GYPB: variants seen among roughly 807,000 people sequenced by gnomAD.
GYPB encodes the protein glycophorin-B.
A neutral mutation model predicts 15.3 loss-of-function variants in GYPB; 13 were observed. The observed-to-expected ratio is 0.85, with a 90% confidence interval of 0.55 to 1.35. The LOEUF (loss-of-function observed/expected upper bound fraction) is 1.35. Among genes scored for constraint, GYPB ranks in the 40% most tolerant of loss-of-function variants. GYPB has a pLI of 0.00. For synonymous variants in GYPB, 38 were observed against 36.9 expected (o/e 1.03, Z -0.11); for missense variants, 131 against 108.3 (o/e 1.21, Z -0.93).
At chr4:143,998,988 C>T (rs905060681) in intron 3 of GYPB, among the ~76,000 whole-genome samples, 5 of 151,044 alleles carry the variant, frequency 3.3e-5, no homozygotes, top group African/African-American at 7.4e-5. Flanking sequence ...GCCTCAAACT[C>T]CCAGGCTCAG....
chr4:144,015,581 G>T (rs1168939963), intron 1 of GYPB, among the ~76,000 whole-genome samples: 1 of 151,316 alleles, frequency 6.6e-6, no homozygotes, highest in Non-Finnish European at 1.5e-5. Flanking sequence ...AGAAACCAAG[G>T]TGAAAAGAAA....
chr4:144,004,375 G>T (rs1727779216), intron 1 of GYPB, among the ~76,000 whole-genome samples: 1 of 151,966 alleles, frequency 6.6e-6, no homozygotes, highest in Non-Finnish European at 1.5e-5. Flanking sequence ...TAATACCCAT[G>T]CTTGCTTAGT....
downstream of GYPB, chr4:143,996,024 T>A: frequency 1.3e-6 from 1 of 760,426 alleles, no homozygotes. Flanking sequence ...GACCCTTCTT[T>A]CTTCTCATCT....
At chr4:144,010,801 A>T (rs1262812356) in intron 1 of GYPB, among the ~76,000 whole-genome samples, 1 of 151,374 alleles carries the variant, frequency 6.6e-6, no homozygotes, top group East Asian at 1.9e-4. Context: ...AAGACTTTCT[A>T]TGTGTGCTGC....
intron 1 of GYPB, among the ~76,000 whole-genome samples, chr4:144,006,669 C>A (rs555590458): frequency 6.6e-6 from 1 of 151,984 alleles, no homozygotes; most frequent in Admixed American, 6.5e-5. Flanking sequence ...CTGAAAGAAG[C>A]CTTATCTTGC....
At chr4:144,014,742 A>T (rs1560715851) in intron 1 of GYPB, among the ~76,000 whole-genome samples, 1 of 151,432 alleles carries the variant, frequency 6.6e-6, no homozygotes, top group Admixed American at 6.6e-5. Flanking sequence ...AATGCTACCA[A>T]TTGTACACTT....
chr4:144,004,251 A>G (rs1301693127), intron 1 of GYPB, among the ~76,000 whole-genome samples: 1 of 151,830 alleles, frequency 6.6e-6, no homozygotes, highest in Non-Finnish European at 1.5e-5. Flanking sequence ...ATTGTTTTTT[A>G]TATCATTTCC....
intron 1 of GYPB, among the ~76,000 whole-genome samples, chr4:144,014,347 A>C (rs1303027600): frequency 6.6e-6 from 1 of 151,844 alleles, no homozygotes; most frequent in African/African-American, 2.4e-5. Flanking sequence ...CACAAATTTT[A>C]ATCAAATGAT....
intron 1 of GYPB, 132 bp downstream of exon 1, chr4:144,019,119 C>T (rs1216532491): frequency 2.2e-5 from 31 of 1,422,522 alleles, no homozygotes; most frequent in Non-Finnish European, 2.6e-5. Context: ...AAAATCCATC[C>T]ACCAGACTGG....
At chr4:144,005,007 T>A (rs1311310908) in intron 1 of GYPB, among the ~76,000 whole-genome samples, 1 of 151,942 alleles carries the variant, frequency 6.6e-6, no homozygotes, top group Non-Finnish European at 1.5e-5. Context: ...GGGAAGGCTC[T>A]CCTGTTATTT....
At chr4:144,007,787 T>C (rs532285076) in intron 1 of GYPB, among the ~76,000 whole-genome samples, 1 of 151,652 alleles carries the variant, frequency 6.6e-6, no homozygotes, top group East Asian at 1.9e-4. Flanking sequence ...GATGTCTCTC[T>C]TTTTAAGCTT....
chr4:144,002,734 A>G, intron 1 of GYPB: 1 of 1,273,860 alleles, frequency 7.9e-7, no homozygotes, highest in South Asian at 1.2e-5. Flanking sequence ...CTTCTCTGAC[A>G]CCTCTCATTA....
intron 4 of GYPB, among the ~76,000 whole-genome samples, chr4:143,997,175 T>G (rs1280620350): frequency 6.6e-6 from 1 of 151,200 alleles, no homozygotes; most frequent in East Asian, 1.9e-4. Flanking sequence ...CTCCAAAGTT[T>G]TAAACATATG....
chr4:144,015,879 A>T (rs1358592415), intron 1 of GYPB, among the ~76,000 whole-genome samples: 1 of 151,070 alleles, frequency 6.6e-6, no homozygotes, highest in Non-Finnish European at 1.5e-5. Context: ...AGACACAGGA[A>T]AACTGAGGCC....
intron 1 of GYPB, among the ~76,000 whole-genome samples, chr4:144,005,094 A>G (rs1270109446): frequency 1.3e-4 from 20 of 151,946 alleles, no homozygotes; most frequent in African/African-American, 4.6e-4. Flanking sequence ...TCATTCCTAG[A>G]TTAAAGGTCA....
rs539531921 is a variant in GYPB at position 144,009,752 on chromosome 4, T to G, written c.38-8469A>C. ...CCTCAGCCTCCCAAGTAGCTGGGACTACAGGCACCCGCCACCAAGCCCGGC... is the reference window on the plus strand; with the variant it reads ...CCTCAGCCTCCCAAGTAGCTGGGACGACAGGCACCCGCCACCAAGCCCGGC... On this transcript the variant is annotated intron_variant, in intron 1 of 4. Transcript: ENST00000502664. Among the ~76,000 whole-genome samples, 75 of 149,768 alleles carry G rather than the reference T, an allele frequency of 5.0e-4. 4 individuals carry two copies. Among genetic ancestry groups the G allele is most frequent in the African/African-American group, 1.9e-3 (74 of 39,680 alleles).
intron 4 of GYPB, among the ~76,000 whole-genome samples, chr4:143,996,965 A>G (rs1727350760): frequency 6.6e-6 from 1 of 150,936 alleles, no homozygotes; most frequent in African/African-American, 2.5e-5. Flanking sequence ...GGAGTGCAGT[A>G]GCATGATCAC....
In GYPB at chr4:143,997,604, C is replaced by A. The variant is rs759100989; in HGVS notation, c.206G>T (p.Cys69Phe). ...CGTTCCAATAATACCAGCCATCACACACAAAATAATGAGTATTATCACTAC... is the reference window on the plus strand; with the variant it reads ...CGTTCCAATAATACCAGCCATCACAAACAAAATAATGAGTATTATCACTAC... ...APVVIILIILCVMAGIIGTIL... is the reference protein window; with the variant it reads ...APVVIILIILFVMAGIIGTIL... The change falls in exon 4 of 5, where the codon TGT becomes TTT. Residue 69 changes from cysteine to phenylalanine, a missense_variant. Cys to Phe is a radical substitution (Grantham distance 205). Coordinates refer to ENST00000502664, the MANE Select transcript of GYPB (RefSeq NM_002100.6). 6.3e-7 allele frequency: 1 copy of A among 1,594,404 alleles called. No homozygotes were observed. The highest frequency in any genetic ancestry group is 1.1e-5 in the South Asian group (1 of 90,624).
Position 144,018,832 on chromosome 4 carries a change from G to T in GYPB, c.37+419C>A, listed in dbSNP as rs1308785187. Among the ~76,000 whole-genome samples the T allele has an allele frequency of 1.3e-5, 2 of 150,550 alleles. 1 individual carries two copies. The highest frequency in any genetic ancestry group is 5.0e-5 in the African/African-American group (2 of 40,258). On this transcript the variant is annotated intron_variant, in intron 1 of 4. Coordinates refer to ENST00000502664, the MANE Select transcript of GYPB (RefSeq NM_002100.6). ...CATCCTTTTGGCTTCTCACCATTTG[G>T]CAGAAATAGGAAATTACACCTTTTG... is the stretch of plus-strand genomic sequence containing the variant.
Sources: allele counts gnomAD v4.1 joint callset (sites outside exome capture counted in the v4.1 genomes callset), GRCh38; gene constraint gnomAD v4.1.1; transcripts MANE v1.5; gene names NCBI Gene and HGNC (gene_info 2026-07-23, HGNC 2026-07-21).